RBFOX1: variants seen among roughly 807,000 people sequenced by gnomAD.
RBFOX1 encodes the protein RNA binding protein fox-1 homolog 1.
A neutral mutation model predicts 57.7 loss-of-function variants in RBFOX1; 8 were observed. The ratio of observed to expected loss-of-function variants is 0.14; its 90% CI spans 0.08 to 0.25. The LOEUF (loss-of-function observed/expected upper bound fraction) is 0.25, where lower values mean the gene tolerates loss of function less well. RBFOX1 is among the 10% of genes least tolerant of loss of function. The pLI, the probability that RBFOX1 is intolerant of heterozygous loss-of-function variation, is 1.00. For missense variants in RBFOX1, 611 were observed against 548.5 expected (o/e 1.11, Z -1.14); for synonymous variants, 326 against 222.4 (o/e 1.47, Z -4.15).
At chr16:7,395,294 T>C (rs180733175) in intron 4 of RBFOX1, among the ~76,000 whole-genome samples, 1 of 152,276 alleles carries the variant, frequency 6.6e-6, no homozygotes, top group African/African-American at 2.4e-5. Flanking sequence ...TGTCATCAGA[T>C]AGAAGGGAGA....
chr16:6,933,527 G>T (rs1414694135), intron 3 of RBFOX1, among the ~76,000 whole-genome samples: 1 of 152,190 alleles, frequency 6.6e-6, no homozygotes, highest in Admixed American at 6.5e-5. Flanking sequence ...AGCCTGACCA[G>T]CATGGTGAAA....
chr16:7,397,073 G>T (rs938664752), intron 4 of RBFOX1, among the ~76,000 whole-genome samples: 34 of 152,176 alleles, frequency 2.2e-4, no homozygotes, highest in African/African-American at 7.7e-4. Flanking sequence ...AGAAAACTTA[G>T]CACATGAAAA....
At chr16:5,728,658 G>T (rs2052244711) in intron 3 of RBFOX1, among the ~76,000 whole-genome samples, 1 of 152,166 alleles carries the variant, frequency 6.6e-6, no homozygotes, top group South Asian at 2.1e-4. Context: ...TGACTCCGTA[G>T]GTCACTCTGA....
intron 1 of RBFOX1, among the ~76,000 whole-genome samples, chr16:6,087,665 T>G (rs2152523212): frequency 6.6e-6 from 1 of 152,090 alleles, no homozygotes; most frequent in South Asian, 2.1e-4. Flanking sequence ...TACTTTTTTT[T>G]TTTTTTTGAG....
chr16:7,130,013 ATCT>A (rs1321984004), intron 4 of RBFOX1, among the ~76,000 whole-genome samples: 3 of 151,114 alleles, frequency 2.0e-5, no homozygotes, highest in African/African-American at 7.3e-5. Context: ...CTGGCCTCTA[ATCT>A]TCTTCATTTT....
intron 4 of RBFOX1, among the ~76,000 whole-genome samples, chr16:7,153,727 CA>C (rs113270300): frequency 6.8e-4 from 88 of 128,756 alleles, no homozygotes; most frequent in African/African-American, 1.8e-3. Flanking sequence ...GACAGTGTCT[CA>C]AAAAAAAAAA....
chr16:6,764,659 G>T (rs1235837084), intron 3 of RBFOX1, among the ~76,000 whole-genome samples: 1 of 152,166 alleles, frequency 6.6e-6, no homozygotes, highest in African/African-American at 2.4e-5. Context: ...TGCATGGGCT[G>T]GGTGCAGTGG....
intron 2 of RBFOX1, among the ~76,000 whole-genome samples, chr16:5,478,700 T>C (rs1379677840): frequency 2.6e-5 from 4 of 152,320 alleles, no homozygotes; most frequent in African/African-American, 9.6e-5. Flanking sequence ...TGTGCCCTGG[T>C]AGGCTTTCCT....
At chr16:6,989,357 G>C (rs891191995) in intron 3 of RBFOX1, among the ~76,000 whole-genome samples, 2 of 152,104 alleles carry the variant, frequency 1.3e-5, no homozygotes, top group African/African-American at 4.8e-5. Context: ...TCTGTCTTTT[G>C]AAGGACATTT....
chr16:6,276,524 G>A (rs547404210), intron 1 of RBFOX1, among the ~76,000 whole-genome samples: 8 of 152,128 alleles, frequency 5.3e-5, no homozygotes, highest in African/African-American at 1.9e-4. Flanking sequence ...GTATTTTTTA[G>A]TAGAAATGGG....
chr16:6,344,482 C>A (rs1003911312), intron 2 of RBFOX1, among the ~76,000 whole-genome samples: 1 of 146,688 alleles, frequency 6.8e-6, no homozygotes, highest in African/African-American at 2.6e-5. Flanking sequence ...ACTGCATGCT[C>A]TGCCTCCCGG....
chr16:7,282,779 T>C (rs975840778), intron 4 of RBFOX1, among the ~76,000 whole-genome samples: 2 of 152,224 alleles, frequency 1.3e-5, no homozygotes, highest in Non-Finnish European at 1.5e-5. Context: ...GTCATTCTTA[T>C]GCCTTTGCAT....
chr16:5,334,726 G>A (rs962733401), intron 1 of RBFOX1, among the ~76,000 whole-genome samples: 2 of 151,740 alleles, frequency 1.3e-5, no homozygotes, highest in African/African-American at 4.8e-5. Context: ...AGGGTTCATA[G>A]GAATAATGTA....
chr16:5,542,973 G>A (rs1197949872), intron 2 of RBFOX1, among the ~76,000 whole-genome samples: 1 of 152,186 alleles, frequency 6.6e-6, no homozygotes, highest in Non-Finnish European at 1.5e-5. Flanking sequence ...CCACCAGCCA[G>A]AGTTGGAAAA....
At chr16:6,341,935 G>A (rs1308938066) in intron 2 of RBFOX1, among the ~76,000 whole-genome samples, 1 of 152,168 alleles carries the variant, frequency 6.6e-6, no homozygotes, top group Admixed American at 6.5e-5. Context: ...ATAATTTCTT[G>A]CGTAAGGTCA....
At chr16:7,351,432 T>C (rs1357454515) in intron 4 of RBFOX1, among the ~76,000 whole-genome samples, 2 of 152,234 alleles carry the variant, frequency 1.3e-5, no homozygotes, top group African/African-American at 2.4e-5. Flanking sequence ...GCTTTGATTC[T>C]TTTTTTAGTG....
chr16:7,228,443 A>ACC (rs1162350696), intron 4 of RBFOX1, among the ~76,000 whole-genome samples: 1 of 152,196 alleles, frequency 6.6e-6, no homozygotes, highest in Non-Finnish European at 1.5e-5. Context: ...TAATCAGAGT[A>ACC]CCTACTATGT....
chr16:5,512,166 A>T (rs1033763657), intron 2 of RBFOX1, among the ~76,000 whole-genome samples: 1 of 152,124 alleles, frequency 6.6e-6, no homozygotes, highest in Non-Finnish European at 1.5e-5. Flanking sequence ...GATGTGGGCT[A>T]TTGATTGCAT....
intron 1 of RBFOX1, among the ~76,000 whole-genome samples, chr16:6,032,370 T>C (rs1238714216): frequency 2.6e-5 from 1 of 37,854 alleles, no homozygotes; most frequent in Non-Finnish European, 5.0e-5. Context: ...AACCCAACTC[T>C]TCTACTTATT....
Sources: allele counts gnomAD v4.1 joint callset (sites outside exome capture counted in the v4.1 genomes callset), GRCh38; gene constraint gnomAD v4.1.1; transcripts MANE v1.5; gene names NCBI Gene and HGNC (gene_info 2026-07-23, HGNC 2026-07-21).